Variants in CCDC178 observed in about 807,000 individuals in gnomAD.
CCDC178 encodes coiled-coil domain-containing protein 178.
Under a neutral mutation model 117.4 loss-of-function variants are expected in CCDC178, and 126 were observed. The observed-to-expected ratio is 1.07, with a 90% CI of 0.93 to 1.24. The LOEUF is 1.24. CCDC178 is among the 50% of genes most tolerant of loss of function. The pLI, the probability that CCDC178 is intolerant of heterozygous loss-of-function variation, is 0.00. For synonymous variants in CCDC178, 283 were observed against 313.4 expected (o/e 0.90, Z 1.02); for missense variants, 1,030 against 986.9 (o/e 1.04, Z -0.59).
At chr18:33,256,933 A>G (rs1308122490) in intron 14 of CCDC178, among the ~76,000 whole-genome samples, 1 of 152,070 alleles carries the variant, frequency 6.6e-6, no homozygotes, top group Admixed American at 6.6e-5. Context: ...AACTATTTAA[A>G]ACTTAGATAG....
rs1002139165 is a variant in CCDC178, at chr18:33,336,165, C to T, written c.659-2771G>A. 6.6e-5 allele frequency among the ~76,000 whole-genome samples: 10 copies of T among 152,186 alleles called. 1 individual carries two copies. The highest frequency in any genetic ancestry group is 6.8e-3 in the Middle Eastern group (2 of 294). ...TCTTCCATTGTATAAGAGAAACAAA[C>T]AACTTTCTTGGCTGCTCAATCTGAG... is the stretch of plus-strand genomic sequence containing the variant. On this transcript the variant is annotated intron_variant, in intron 9 of 22. Transcript: ENST00000383096.
At chr18:33,035,432 C>T (rs1245300211) in intron 21 of CCDC178, among the ~76,000 whole-genome samples, 1 of 151,852 alleles carries the variant, frequency 6.6e-6, no homozygotes, top group Non-Finnish European at 1.5e-5. Flanking sequence ...TATAATCAGT[C>T]ATAAAAAAGA....
intron 9 of CCDC178, 56 bp downstream of exon 9, chr18:33,346,151 GTAAT>G: frequency 7.8e-7 from 1 of 1,289,140 alleles, no homozygotes; most frequent in Non-Finnish European, 1.1e-6. Context: ...ATACAGACCT[GTAAT>G]TAATTATCTG....
At chr18:32,957,141 G>A (rs1235029150) in intron 22 of CCDC178, among the ~76,000 whole-genome samples, 2 of 152,174 alleles carry the variant, frequency 1.3e-5, no homozygotes, top group Admixed American at 6.5e-5. Flanking sequence ...CAACTCTAGA[G>A]GCTGAATGCT....
intron 9 of CCDC178, among the ~76,000 whole-genome samples, chr18:33,339,394 A>G (rs2062784119): frequency 6.6e-6 from 1 of 151,764 alleles, no homozygotes; most frequent in Non-Finnish European, 1.5e-5. Flanking sequence ...CAAAGTTAGG[A>G]ATGAAAAAGA....
chr18:33,421,420 A>G (rs1243331941), intron 2 of CCDC178, among the ~76,000 whole-genome samples: 1 of 152,220 alleles, frequency 6.6e-6, no homozygotes, highest in Non-Finnish European at 1.5e-5. Flanking sequence ...GATCTTTCAC[A>G]GTTCTTGCCA....
At chr18:33,175,303 C>T (rs67603231) in intron 20 of CCDC178, among the ~76,000 whole-genome samples, 10,178 of 152,126 alleles carry the variant, frequency 0.067, 583 homozygotes, top group African/African-American at 0.15. Context: ...CAGAATAATC[C>T]CTTATGTTTG....
At chr18:33,267,176 TG>T in intron 13 of CCDC178, 25 bp downstream of exon 13, 1 of 1,557,136 alleles carries the variant, frequency 6.4e-7, no homozygotes, top group Non-Finnish European at 8.7e-7. Context: ...GCGTTCTAAG[TG>T]GGAAGTAGGA....
At chr18:33,196,729 A>G (rs1179035801) in intron 20 of CCDC178, among the ~76,000 whole-genome samples, 1 of 152,142 alleles carries the variant, frequency 6.6e-6, no homozygotes, top group African/African-American at 2.4e-5. Flanking sequence ...TTATTACCTC[A>G]TAACTTCTGA....
At chr18:33,137,831 AG>A (rs1251656742) in intron 20 of CCDC178, among the ~76,000 whole-genome samples, 2 of 152,212 alleles carry the variant, frequency 1.3e-5, no homozygotes, top group African/African-American at 4.8e-5. Context: ...ACGGGCAATT[AG>A]TGGAAGCCAT....
chr18:33,049,516 C>A (rs191242474), intron 21 of CCDC178, among the ~76,000 whole-genome samples: 4 of 151,898 alleles, frequency 2.6e-5, no homozygotes, highest in African/African-American at 9.7e-5. Context: ...AGATAATTTC[C>A]ATGACATTTG....
At chr18:33,398,221 A>G (rs1484753911) in intron 3 of CCDC178, among the ~76,000 whole-genome samples, 1 of 152,226 alleles carries the variant, frequency 6.6e-6, no homozygotes, top group Admixed American at 6.5e-5. Flanking sequence ...AAATGTCTAG[A>G]TCAATGAAAA....
Position 33,267,025 on chromosome 18 carries a change from C to G in CCDC178, c.1300G>C (p.Asp434His). 6.3e-7 allele frequency: 1 copy of G among 1,597,978 alleles called. No individual in the cohort carries two copies. Among genetic ancestry groups the G allele is most frequent in the African/African-American group, 1.4e-5 (1 of 73,866 alleles). The change falls in exon 14 of 23, where the codon GAT (aspartate) becomes CAT (histidine). Residue 434 changes from aspartate to histidine, a missense_variant. Transcript: ENST00000383096. ...ATAGCTGAAAAATCTTTTGCAACAT[C>G]AGAAAGCTCAATATCCCATGTTTTT... ...AKKTWDIELS[D>H]VAKDFSAISL...
chr18:33,207,522 G>C (rs186932491), intron 20 of CCDC178, among the ~76,000 whole-genome samples: 2 of 150,218 alleles, frequency 1.3e-5, no homozygotes, highest in African/African-American at 4.9e-5. Flanking sequence ...TCATTTTCCA[G>C]TGGGAATGGA....
chr18:33,165,537 G>T (rs757801491), intron 20 of CCDC178, among the ~76,000 whole-genome samples: 2 of 152,114 alleles, frequency 1.3e-5, no homozygotes, highest in African/African-American at 4.8e-5. Context: ...GACTGAATAA[G>T]TTCTACAAAA....
intron 17 of CCDC178, among the ~76,000 whole-genome samples, chr18:33,224,291 G>T (rs1186819776): frequency 6.6e-6 from 1 of 152,014 alleles, no homozygotes; most frequent in East Asian, 1.9e-4. Flanking sequence ...ATTTTTCTTT[G>T]GGAAGGGCTA....
intron 20 of CCDC178, among the ~76,000 whole-genome samples, chr18:33,204,443 A>G (rs1042286110): frequency 2.0e-5 from 3 of 152,172 alleles, no homozygotes; most frequent in African/African-American, 4.8e-5. Flanking sequence ...AATGACAACA[A>G]TAGAACTGTT....
chr18:33,191,164 C>A (rs993400737), intron 20 of CCDC178, among the ~76,000 whole-genome samples: 3 of 152,014 alleles, frequency 2.0e-5, no homozygotes. Context: ...TTTCACTGAC[C>A]TCAAGTTTGG....
intron 20 of CCDC178, among the ~76,000 whole-genome samples, chr18:33,154,056 CT>C (rs1157937602): frequency 6.6e-6 from 1 of 151,800 alleles, no homozygotes; most frequent in African/African-American, 2.4e-5. Context: ...ATAGAAAAAC[CT>C]TAAAATATAA....
Sources: gnomAD v4.1 joint callset for allele counts (sites outside exome capture counted in the v4.1 genomes callset) on GRCh38, gnomAD v4.1.1 for gene constraint, MANE v1.5 for transcripts, NCBI Gene and HGNC (gene_info 2026-07-23, HGNC 2026-07-21) for gene names.